Variants in ZNF423 observed in about 807,000 individuals in gnomAD.
ZNF423 encodes the protein zinc finger protein 423, also known as Ebf-associated zinc finger protein.
ZNF423 carries 12 observed loss-of-function variants against 95.8 expected under a neutral mutation model. That is an observed-to-expected ratio of 0.13 (90% confidence interval 0.08 to 0.20). The LOEUF is 0.20. Among genes scored for constraint, ZNF423 ranks in the 10% least tolerant of loss-of-function variants. ZNF423 has a pLI of 1.00. For synonymous variants in ZNF423, 749 were observed against 711.9 expected, an observed-to-expected ratio of 1.05 and a Z score of -0.83; for missense variants, 1,316 against 1,737.1, an observed-to-expected ratio of 0.76 and a Z score of 4.31.
chr16:49,624,206 C>A (rs1188268664), intron 5 of ZNF423, among the ~76,000 whole-genome samples: 2 of 151,834 alleles, frequency 1.3e-5, no homozygotes, highest in Non-Finnish European at 2.9e-5. Context: ...AATATAATAT[C>A]TATATATTCC....
At chr16:49,664,839 G>A (rs2030455961) in intron 3 of ZNF423, among the ~76,000 whole-genome samples, 1 of 152,250 alleles carries the variant, frequency 6.6e-6, no homozygotes, top group African/African-American at 2.4e-5. Context: ...GCTAGGAGGG[G>A]CCAGGCAGCT....
chr16:49,752,776 G>C (rs573207794), intron 2 of ZNF423, among the ~76,000 whole-genome samples: 1 of 152,296 alleles, frequency 6.6e-6, no homozygotes, highest in South Asian at 2.1e-4. Flanking sequence ...TGTAAAATGG[G>C]AGGTTGCTGT....
chr16:49,714,921 G>C (rs2032658464), intron 3 of ZNF423, among the ~76,000 whole-genome samples: 1 of 152,148 alleles, frequency 6.6e-6, no homozygotes, highest in African/African-American at 2.4e-5. Flanking sequence ...GGAGGTGTGA[G>C]TTGGGTGTGG....
intron 2 of ZNF423, among the ~76,000 whole-genome samples, chr16:49,785,000 G>A (rs2034286719): frequency 6.6e-6 from 1 of 151,768 alleles, no homozygotes; most frequent in African/African-American, 2.4e-5. Flanking sequence ...GGGCTGGGAG[G>A]GGTAGGAGGG....
intron 5 of ZNF423, among the ~76,000 whole-genome samples, chr16:49,625,141 G>A (rs1357609868): frequency 6.6e-6 from 1 of 152,226 alleles, no homozygotes; most frequent in Non-Finnish European, 1.5e-5. Context: ...CACTTTGGGA[G>A]GCCAAGGCGG....
At chr16:49,616,491 T>C (rs1400060702) in intron 5 of ZNF423, among the ~76,000 whole-genome samples, 2 of 152,174 alleles carry the variant, frequency 1.3e-5, no homozygotes, top group Non-Finnish European at 2.9e-5. Context: ...GGATTGTTTG[T>C]AGCACAAAGA....
At chr16:49,694,190 G>A (rs1009930701) in intron 3 of ZNF423, among the ~76,000 whole-genome samples, 1 of 152,224 alleles carries the variant, frequency 6.6e-6, no homozygotes, top group African/African-American at 2.4e-5. Context: ...AGGGAAGTAG[G>A]AAGGGGGAGC....
intron 2 of ZNF423, among the ~76,000 whole-genome samples, chr16:49,750,489 G>GT (rs1284757675): frequency 1.3e-5 from 2 of 152,130 alleles, no homozygotes; most frequent in African/African-American, 4.8e-5. Context: ...CACAGAAGAC[G>GT]TGTCAGCCAG....
intron 3 of ZNF423, among the ~76,000 whole-genome samples, chr16:49,689,900 C>T (rs988115238): frequency 6.6e-6 from 1 of 152,158 alleles, no homozygotes; most frequent in African/African-American, 2.4e-5. Flanking sequence ...CAGGCAGTGA[C>T]CCAGCTCTGC....
chr16:49,688,291 G>A (rs1224517195), intron 3 of ZNF423, among the ~76,000 whole-genome samples: 1 of 152,106 alleles, frequency 6.6e-6, no homozygotes, highest in East Asian at 1.9e-4. Context: ...GGCTAATATT[G>A]CAATATGGAC....
chr16:49,542,274 T>C (rs1020717688), intron 5 of ZNF423, among the ~76,000 whole-genome samples: 2 of 152,232 alleles, frequency 1.3e-5, no homozygotes, highest in Non-Finnish European at 2.9e-5. Flanking sequence ...CTTGACTCTA[T>C]TCCATCACCT....
intron 5 of ZNF423, among the ~76,000 whole-genome samples, chr16:49,590,516 C>A (rs989166290): frequency 2.0e-5 from 3 of 152,204 alleles, no homozygotes; most frequent in African/African-American, 7.2e-5. Flanking sequence ...AAGACACACA[C>A]TCATTATCAC....
chr16:49,688,411 T>C (rs987218719), intron 3 of ZNF423, among the ~76,000 whole-genome samples: 3 of 152,178 alleles, frequency 2.0e-5, no homozygotes, highest in African/African-American at 7.2e-5. Context: ...GAGCCCGCCC[T>C]CTTGCTCCAT....
intron 2 of ZNF423, among the ~76,000 whole-genome samples, chr16:49,775,339 T>G (rs1166122242): frequency 6.6e-6 from 1 of 152,208 alleles, no homozygotes; most frequent in Non-Finnish European, 1.5e-5. Flanking sequence ...CTATTTCTCT[T>G]TGGGCCTTGG....
chr16:49,538,042 A>T (rs1349663363), intron 5 of ZNF423, among the ~76,000 whole-genome samples: 2 of 152,194 alleles, frequency 1.3e-5, no homozygotes, highest in South Asian at 2.1e-4. Context: ...CCTGCAGCCT[A>T]AGGTCTGGGC....
At chr16:49,850,900 C>A (rs1032024625) in intron 1 of ZNF423, among the ~76,000 whole-genome samples, 1 of 152,170 alleles carries the variant, frequency 6.6e-6, no homozygotes, top group African/African-American at 2.4e-5. Context: ...GTCCCCACAT[C>A]CAGTCCAGGC....
At chr16:49,699,153 G>C (rs2032082239) in intron 3 of ZNF423, among the ~76,000 whole-genome samples, 1 of 152,180 alleles carries the variant, frequency 6.6e-6, no homozygotes, top group Non-Finnish European at 1.5e-5. Context: ...TGTTACAAAG[G>C]GAAAAATGGA....
chr16:49,772,807 C>T (rs1342764287), intron 2 of ZNF423, among the ~76,000 whole-genome samples: 1 of 152,222 alleles, frequency 6.6e-6, no homozygotes, highest in Non-Finnish European at 1.5e-5. Context: ...TTCTCACCCA[C>T]ATCACAGGTT....
chr16:49,829,855 T>C (rs969512788), intron 1 of ZNF423, among the ~76,000 whole-genome samples: 1 of 151,942 alleles, frequency 6.6e-6, no homozygotes, highest in African/African-American at 2.4e-5. Context: ...TCAGGTAAGA[T>C]GGGGGACAAG....
Sources: allele counts gnomAD v4.1 joint callset (sites outside exome capture counted in the v4.1 genomes callset), GRCh38; gene constraint gnomAD v4.1.1; transcripts MANE v1.5; gene names NCBI Gene and HGNC (gene_info 2026-07-23, HGNC 2026-07-21).